The following HORMAD2 variants were observed in gnomAD, a reference collection of about 807,000 sequenced individuals.
HORMAD2 encodes HORMA domain-containing protein 2.
In HORMAD2, 45 loss-of-function variants were observed where a neutral mutation model predicts 38.8. The ratio of observed to expected loss-of-function variants is 1.16; its 90% CI spans 0.91 to 1.49. HORMAD2 has a LOEUF of 1.49. HORMAD2 is among the 40% of genes most tolerant of loss of function. HORMAD2 has a pLI of 0.00. For missense variants in HORMAD2, 338 were observed against 367.0 expected (o/e 0.92, Z 0.65); for synonymous variants, 126 against 122.8 (o/e 1.03, Z -0.17).
At chr22:30,111,846 C>T (rs1393305843) in intron 6 of HORMAD2, 30 bp downstream of exon 6, 3 of 1,543,138 alleles carry the variant, frequency 1.9e-6, no homozygotes, top group East Asian at 4.7e-5. Flanking sequence ...AAGACCAAGC[C>T]TCTGTCTCTA....
At chr22:30,171,363 G>A (rs149714734) in intron 10 of HORMAD2, among the ~76,000 whole-genome samples, 51 of 152,158 alleles carry the variant, frequency 3.4e-4, no homozygotes, top group African/African-American at 1.0e-3. Context: ...CATTGTTCTC[G>A]ACCTGAGAGA....
intron 3 of HORMAD2, among the ~76,000 whole-genome samples, chr22:30,100,532 C>T (rs1393170779): frequency 6.6e-6 from 1 of 152,162 alleles, no homozygotes; most frequent in East Asian, 1.9e-4. Context: ...TGGGCAAAGA[C>T]TTCATGACTA....
At chr22:30,160,523 T>C (rs1325236755) in intron 10 of HORMAD2, among the ~76,000 whole-genome samples, 2 of 152,094 alleles carry the variant, frequency 1.3e-5, no homozygotes, top group African/African-American at 2.4e-5. Flanking sequence ...AGTGATGCAG[T>C]TGATTTTGAA....
chr22:30,083,905 G>A (rs2068526925), intron 1 of HORMAD2, among the ~76,000 whole-genome samples: 1 of 152,140 alleles, frequency 6.6e-6, no homozygotes. Context: ...AAGTAGGCAA[G>A]CCGAAGAACT....
chr22:30,106,266 C>T (rs542728064), intron 5 of HORMAD2, among the ~76,000 whole-genome samples: 2 of 152,286 alleles, frequency 1.3e-5, no homozygotes, highest in African/African-American at 4.8e-5. Flanking sequence ...CCAACTCAGC[C>T]TCCCAACATG....
intron 5 of HORMAD2, 109 bp downstream of exon 5, chr22:30,104,546 C>T (rs1206662537): frequency 6.2e-6 from 5 of 800,514 alleles, no homozygotes; most frequent in Non-Finnish European, 7.9e-6. Context: ...TAAGTGTCTA[C>T]GTTTGCATCC....
chr22:30,178,009 CA>C (rs1926555076), downstream of HORMAD2, among the ~76,000 whole-genome samples: 1 of 152,126 alleles, frequency 6.6e-6, no homozygotes. Context: ...CTACAATTGT[CA>C]GTTGTCAAAA....
At chr22:30,140,151 C>T (rs1923975905) in intron 10 of HORMAD2, among the ~76,000 whole-genome samples, 1 of 152,102 alleles carries the variant, frequency 6.6e-6, no homozygotes, top group Non-Finnish European at 1.5e-5. Context: ...GTAATCCCAG[C>T]TACTTGGGGG....
At chr22:30,102,832 G>T (rs1175233619) in intron 3 of HORMAD2, among the ~76,000 whole-genome samples, 2 of 152,030 alleles carry the variant, frequency 1.3e-5, no homozygotes, top group African/African-American at 4.8e-5. Flanking sequence ...GTTTCACTAG[G>T]TTGCCCAGGC....
At chr22:30,151,703 A>G in intron 10 of HORMAD2, among the ~76,000 whole-genome samples, 1 of 152,204 alleles carries the variant, frequency 6.6e-6, no homozygotes, top group Non-Finnish European at 1.5e-5. Flanking sequence ...TCTTACTCAT[A>G]TTATATCTTT....
upstream of HORMAD2, among the ~76,000 whole-genome samples, chr22:30,079,113 AAT>A (rs1363381344): frequency 6.6e-6 from 1 of 152,158 alleles, no homozygotes; most frequent in Non-Finnish European, 1.5e-5. Context: ...CGCCAACTTG[AAT>A]AGTTTTTTTT....
At chr22:30,153,068 C>T (rs1362530930) in intron 10 of HORMAD2, among the ~76,000 whole-genome samples, 1 of 150,362 alleles carries the variant, frequency 6.7e-6, no homozygotes, top group Non-Finnish European at 1.5e-5. Context: ...AGTTTCTCTA[C>T]CCAGTTTCCC....
intron 4 of HORMAD2, among the ~76,000 whole-genome samples, chr22:30,103,973 C>T (rs1434207565): frequency 6.6e-6 from 1 of 151,888 alleles, no homozygotes; most frequent in Non-Finnish European, 1.5e-5. Flanking sequence ...TTCCCTCTTT[C>T]TTTTTAAAAA....
intron 10 of HORMAD2, 53 bp downstream of exon 10, chr22:30,122,267 T>G (rs888481111): frequency 1.5e-5 from 23 of 1,524,442 alleles, no homozygotes; most frequent in Non-Finnish European, 2.0e-5. Context: ...ACAATTGATA[T>G]TTTTCAGTTT....
chr22:30,130,160 T>C (rs1417268382), intron 10 of HORMAD2, among the ~76,000 whole-genome samples: 2 of 152,206 alleles, frequency 1.3e-5, no homozygotes, highest in African/African-American at 4.8e-5. Context: ...ACAATCATCT[T>C]GTTGTGAGAC....
chr22:30,106,556 G>A (rs181004021), intron 5 of HORMAD2, among the ~76,000 whole-genome samples: 15 of 152,136 alleles, frequency 9.9e-5, no homozygotes, highest in East Asian at 1.9e-4. Flanking sequence ...AGGGGGAGAC[G>A]GCCATCACTG....
intron 2 of HORMAD2, among the ~76,000 whole-genome samples, chr22:30,095,937 GTTA>G (rs2068774178): frequency 6.6e-6 from 1 of 152,046 alleles, no homozygotes; most frequent in Admixed American, 6.6e-5. Context: ...CTGTCTTCTA[GTTA>G]TTATTACCTC....
At chr22:30,159,378 C>T (rs1031571757) in intron 10 of HORMAD2, among the ~76,000 whole-genome samples, 2 of 152,144 alleles carry the variant, frequency 1.3e-5, no homozygotes, top group Admixed American at 6.5e-5. Context: ...TATATTATGT[C>T]ATGCTTTAGG....
intron 10 of HORMAD2, among the ~76,000 whole-genome samples, chr22:30,170,275 G>C (rs1926028370): frequency 6.6e-6 from 1 of 152,068 alleles, no homozygotes; most frequent in Non-Finnish European, 1.5e-5. Flanking sequence ...CTCACCCCAG[G>C]CACACAACTC....
Sources: gnomAD v4.1 joint callset for allele counts (sites outside exome capture counted in the v4.1 genomes callset) on GRCh38, gnomAD v4.1.1 for gene constraint, MANE v1.5 for transcripts, NCBI Gene and HGNC (gene_info 2026-07-23, HGNC 2026-07-21) for gene names.